MITF: variants seen among roughly 807,000 people sequenced by gnomAD.
The protein encoded by MITF is melanocyte inducing transcription factor.
In MITF, 17 loss-of-function variants were observed where a neutral mutation model predicts 60.5. The ratio of observed to expected loss-of-function variants is 0.28; its 90% confidence interval spans 0.19 to 0.42. MITF has a LOEUF of 0.42. MITF is among the 10% of genes least tolerant of loss of function. MITF has a pLI of 1.00. For synonymous variants in MITF, 260 were observed against 248.5 expected, an observed-to-expected ratio of 1.05 and a Z score of -0.43; for missense variants, 622 against 683.5, an observed-to-expected ratio of 0.91 and a Z score of 1.00.
At chr3:69,829,445 A>G (rs2063410073) in intron 1 of MITF, among the ~76,000 whole-genome samples, 1 of 152,184 alleles carries the variant, frequency 6.6e-6, no homozygotes. Flanking sequence ...CAAATATTCT[A>G]TTTAACTGTG....
At chr3:69,947,978 C>A (rs540662428) in intron 5 of MITF, among the ~76,000 whole-genome samples, 19 of 152,284 alleles carry the variant, frequency 1.2e-4, no homozygotes, top group Middle Eastern at 3.4e-3. Flanking sequence ...CTAGATACTT[C>A]TCAGTCACTA....
chr3:69,796,517 T>TTTTTTTTTTTTTA (rs1265319379), intron 1 of MITF, among the ~76,000 whole-genome samples: 1 of 117,284 alleles, frequency 8.5e-6, no homozygotes, highest in Admixed American at 8.5e-5. Context: ...TTTTTTTTTT[T>TTTTTTTTTTTTTA]GAGACGGAGT....
chr3:69,896,023 C>T (rs559803944), intron 2 of MITF, among the ~76,000 whole-genome samples: 8 of 152,080 alleles, frequency 5.3e-5, no homozygotes, highest in Admixed American at 4.6e-4. Context: ...TCCTTCCTGC[C>T]TTCCCTTGAA....
chr3:69,930,696 G>A (rs572582433), intron 2 of MITF, among the ~76,000 whole-genome samples: 2 of 152,352 alleles, frequency 1.3e-5, no homozygotes, highest in African/African-American at 2.4e-5. Flanking sequence ...CTTGCTGCTC[G>A]GGATGTAGTG....
chr3:69,752,565 C>G (rs1703975230), intron 1 of MITF, among the ~76,000 whole-genome samples: 1 of 152,158 alleles, frequency 6.6e-6, no homozygotes, highest in South Asian at 2.1e-4. Flanking sequence ...TTTAGGGTAA[C>G]TGGCAGAAGA....
At chr3:69,952,438 A>G (rs1446503646) in intron 7 of MITF, among the ~76,000 whole-genome samples, 1 of 152,266 alleles carries the variant, frequency 6.6e-6, no homozygotes, top group East Asian at 1.9e-4. Context: ...TCTCCTACGA[A>G]TACTTTAATT....
intron 2 of MITF, among the ~76,000 whole-genome samples, chr3:69,927,591 CA>C (rs1310515364): frequency 1.3e-5 from 2 of 151,884 alleles, no homozygotes; most frequent in Non-Finnish European, 1.5e-5. Flanking sequence ...AAGAAATAAA[CA>C]AAAAATTGTT....
chr3:69,745,643 C>T (rs992088650), intron 1 of MITF, among the ~76,000 whole-genome samples: 5 of 152,186 alleles, frequency 3.3e-5, no homozygotes, highest in African/African-American at 9.7e-5. Context: ...TCTTTAAGCT[C>T]TTTCTTGTGG....
At chr3:69,817,769 A>G (rs1295584978) in intron 1 of MITF, among the ~76,000 whole-genome samples, 2 of 152,126 alleles carry the variant, frequency 1.3e-5, no homozygotes, top group Non-Finnish European at 2.9e-5. Context: ...TACTTGTCTT[A>G]AAAATAAATG....
chr3:69,798,455 G>A (rs1453214130), intron 1 of MITF, among the ~76,000 whole-genome samples: 1 of 152,200 alleles, frequency 6.6e-6, no homozygotes, highest in Non-Finnish European at 1.5e-5. Context: ...TATATTTAAA[G>A]CGCATAGCAT....
At chr3:69,869,970 A>G (rs958631402) in intron 1 of MITF, among the ~76,000 whole-genome samples, 1 of 152,082 alleles carries the variant, frequency 6.6e-6, no homozygotes, top group South Asian at 2.1e-4. Flanking sequence ...ATGGAGTCTT[A>G]CGTAGAACTC....
chr3:69,787,622 C>T (rs569356767), intron 1 of MITF, among the ~76,000 whole-genome samples: 2 of 152,158 alleles, frequency 1.3e-5, no homozygotes, highest in South Asian at 2.1e-4. Flanking sequence ...ATTCCAAATG[C>T]CTTTTGGATG....
intron 2 of MITF, among the ~76,000 whole-genome samples, chr3:69,888,794 C>G (rs2064685511): frequency 6.6e-6 from 1 of 152,002 alleles, no homozygotes; most frequent in African/African-American, 2.4e-5. Context: ...CTATGGCCCC[C>G]CTATTAACTT....
At chr3:69,760,968 G>A (rs1332972413) in intron 1 of MITF, among the ~76,000 whole-genome samples, 4 of 152,206 alleles carry the variant, frequency 2.6e-5, no homozygotes, top group South Asian at 4.1e-4. Context: ...ATTGGTTTCA[G>A]TAGGTTCTGT....
intron 2 of MITF, among the ~76,000 whole-genome samples, chr3:69,886,948 G>C (rs766891097): frequency 2.6e-5 from 4 of 151,954 alleles, no homozygotes; most frequent in Admixed American, 6.6e-5. Context: ...TAATATATTT[G>C]CATTGTTTTA....
At chr3:69,773,516 C>T (rs1466143888) in intron 1 of MITF, among the ~76,000 whole-genome samples, 1 of 152,106 alleles carries the variant, frequency 6.6e-6, no homozygotes, top group Non-Finnish European at 1.5e-5. Context: ...TCCTTAGCTT[C>T]AATTTTATTC....
intron 1 of MITF, among the ~76,000 whole-genome samples, chr3:69,860,559 C>T (rs1428289248): frequency 3.9e-5 from 5 of 129,106 alleles, no homozygotes; most frequent in African/African-American, 1.5e-4. Flanking sequence ...GATCGCGCCA[C>T]AGCACTCCCG....
intron 1 of MITF, among the ~76,000 whole-genome samples, chr3:69,877,154 A>C (rs1040545625): frequency 3.9e-5 from 6 of 152,212 alleles, no homozygotes; most frequent in African/African-American, 1.4e-4. Flanking sequence ...CAATTTAAAA[A>C]AATAGGTAGT....
intron 9 of MITF, among the ~76,000 whole-genome samples, chr3:69,963,227 G>A (rs2066594245): frequency 1.3e-5 from 2 of 152,068 alleles, no homozygotes; most frequent in South Asian, 4.2e-4. Context: ...GGAAGGAAAG[G>A]AAAAAAATTG....
Sources: allele counts gnomAD v4.1 joint callset (sites outside exome capture counted in the v4.1 genomes callset), GRCh38; gene constraint gnomAD v4.1.1; transcripts MANE v1.5; gene names NCBI Gene and HGNC (gene_info 2026-07-23, HGNC 2026-07-21).